FAM3B: variants seen among roughly 807,000 people sequenced by gnomAD.
FAM3B encodes protein FAM3B.
In FAM3B, 29 loss-of-function variants were observed where a neutral mutation model predicts 28.4. The observed-to-expected ratio is 1.02, with a 90% CI of 0.76 to 1.39. The LOEUF is 1.39. Ranked by LOEUF, FAM3B falls within the 40% of genes most tolerant of loss-of-function variation. FAM3B has a pLI of 0.00. For synonymous variants in FAM3B, 91 were observed against 103.0 expected, an observed-to-expected ratio of 0.88 and a Z score of 0.71; for missense variants, 266 against 293.9, an observed-to-expected ratio of 0.91 and a Z score of 0.69.
intron 2 of FAM3B, among the ~76,000 whole-genome samples, chr21:41,331,254 G>A (rs535705651): frequency 6.6e-6 from 1 of 152,208 alleles, no homozygotes; most frequent in African/African-American, 2.4e-5. Context: ...CTTTATTCAA[G>A]TTCTTTATCC....
At chr21:41,341,520 A>G (rs186680638) in intron 3 of FAM3B, among the ~76,000 whole-genome samples, 116 of 152,282 alleles carry the variant, frequency 7.6e-4, no homozygotes, top group Non-Finnish European at 6.3e-4. Flanking sequence ...TGGTAGTTTT[A>G]CTGCCTAAGC....
intron 2 of FAM3B, among the ~76,000 whole-genome samples, chr21:41,327,508 G>A (rs1049584879): frequency 1.3e-5 from 2 of 152,174 alleles, no homozygotes; most frequent in Admixed American, 1.3e-4. Context: ...TATTCACCTT[G>A]CATTCCCATT....
At chr21:41,333,293 T>G (rs2088923782) in intron 2 of FAM3B, among the ~76,000 whole-genome samples, 1 of 152,328 alleles carries the variant, frequency 6.6e-6, no homozygotes, top group South Asian at 2.1e-4. Context: ...CCAAATCTCA[T>G]GTTGAATTGT....
intron 1 of FAM3B, among the ~76,000 whole-genome samples, chr21:41,317,610 A>G (rs1440815662): frequency 6.6e-6 from 1 of 151,926 alleles, no homozygotes; most frequent in Non-Finnish European, 1.5e-5. Flanking sequence ...CTATAATCTG[A>G]AGAACATGGA....
intron 7 of FAM3B, among the ~76,000 whole-genome samples, chr21:41,355,372 A>G (rs1453993234): frequency 1.3e-5 from 2 of 152,232 alleles, no homozygotes; most frequent in Admixed American, 6.5e-5. Context: ...CTTGTGCACA[A>G]ATGTGCATAG....
intron 2 of FAM3B, among the ~76,000 whole-genome samples, chr21:41,333,842 G>A (rs892758721): frequency 5.3e-5 from 8 of 152,212 alleles, no homozygotes; most frequent in African/African-American, 1.4e-4. Flanking sequence ...TTGAATGTTT[G>A]TGACCAAAAT....
chr21:41,311,248 AAAAATATATATATATATATAT>A (rs1401377737), intron 1 of FAM3B, among the ~76,000 whole-genome samples: 15 of 64,276 alleles, frequency 2.3e-4, no homozygotes, highest in African/African-American at 8.4e-4. Context: ...AAAAAAAAAA[AAAAATATATATATATATATAT>A]ATATATATAT....
upstream of FAM3B, among the ~76,000 whole-genome samples, chr21:41,315,521 G>A (rs1393754746): frequency 1.3e-5 from 2 of 152,112 alleles, no homozygotes; most frequent in African/African-American, 4.8e-5. Flanking sequence ...TAAGATTGGC[G>A]GTCAGTTCAT....
Position 41,338,252 on chromosome 21 carries a change from C to G in FAM3B, c.164-126C>G. The G allele has an allele frequency of 3.8e-6, 4 of 1,065,054 alleles. No individual in the cohort carries two copies. The Admixed American group carries it at 6.3e-5, about 17-fold the overall frequency. The allele number at this position is 1,065,054 out of a possible 1,614,324, so 66.0% of individuals were successfully genotyped here. A position where few individuals can be genotyped will look rare whatever the true frequency, so the allele number is the denominator to read the frequency against. Reference sequence around the variant, plus strand: ...TCAGTGAAGTCTGGAAACCCTTCCCCCTCAGGTTTTCCGACCGCTGCTTGG... The same window carrying G: ...TCAGTGAAGTCTGGAAACCCTTCCCGCTCAGGTTTTCCGACCGCTGCTTGG... On this transcript the variant is annotated intron_variant, in intron 2 of 7. Coordinates refer to ENST00000357985, the MANE Select transcript of FAM3B (RefSeq NM_058186.4).
At chr21:41,312,085 AG>A (rs1378098053), upstream of FAM3B, among the ~76,000 whole-genome samples, 1 of 152,216 alleles carries the variant, frequency 6.6e-6, no homozygotes, top group Non-Finnish European at 1.5e-5. Flanking sequence ...ATCTTTCACT[AG>A]ACCCCTCCCA....
At chr21:41,320,512 A>G (rs2088792471) in intron 1 of FAM3B, 1 of 152,326 alleles carries the variant, frequency 6.6e-6, no homozygotes, top group Non-Finnish European at 1.5e-5. Flanking sequence ...CCTCCTGGCT[A>G]CTATGTCCTG....
At chr21:41,312,603 C>T (rs927850121), upstream of FAM3B, among the ~76,000 whole-genome samples, 1 of 152,040 alleles carries the variant, frequency 6.6e-6, no homozygotes, top group African/African-American at 2.4e-5. Context: ...AATATCTTAA[C>T]ATTTAAAAAG....
At position 41,357,618 on chromosome 21, in the gene FAM3B, T is replaced by C. The variant is rs940607678; in HGVS notation, c.*421T>C. Among the ~76,000 whole-genome samples the C allele has an allele frequency of 2.6e-5, 4 of 152,166 alleles. No homozygotes were observed. The highest frequency in any genetic ancestry group is 5.9e-5 in the Non-Finnish European group (4 of 68,022). Reference sequence around the variant, plus strand: ...CAGTCATCTCCTTCTGCTGGGAGAATTAGCAGCAGTTCAGGGGGCTTATGT... The same window carrying C: ...CAGTCATCTCCTTCTGCTGGGAGAACTAGCAGCAGTTCAGGGGGCTTATGT... On this transcript the variant is annotated 3_prime_UTR_variant, in exon 8 of 8. Transcript: ENST00000357985.
intron 7 of FAM3B, among the ~76,000 whole-genome samples, chr21:41,355,276 A>G (rs1004335194): frequency 6.6e-6 from 1 of 152,248 alleles, no homozygotes; most frequent in South Asian, 2.1e-4. Flanking sequence ...TTCCTCAAAA[A>G]GTTAAACATA....
At chr21:41,316,597 C>A (rs952806207), upstream of FAM3B, 12 of 350,798 alleles carry the variant, frequency 3.4e-5, no homozygotes, top group Non-Finnish European at 5.1e-5. Context: ...TCAGCCCTGG[C>A]CCGGGGTCAG....
intron 6 of FAM3B, among the ~76,000 whole-genome samples, chr21:41,347,749 C>CA (rs60227162): frequency 0.012 from 1,053 of 85,148 alleles, 12 homozygotes; most frequent in East Asian, 0.042. Context: ...GAGACTGTCT[C>CA]AAAAAAAAAA....
chr21:41,332,064 T>G (rs1212019830), intron 2 of FAM3B, among the ~76,000 whole-genome samples: 1 of 152,182 alleles, frequency 6.6e-6, no homozygotes, highest in African/African-American at 2.4e-5. Flanking sequence ...ATGATGAGGG[T>G]GCATGCCTCA....
intron 1 of FAM3B, among the ~76,000 whole-genome samples, chr21:41,317,690 C>G (rs1002968058): frequency 4.3e-4 from 66 of 152,236 alleles, no homozygotes; most frequent in African/African-American, 1.6e-3. Context: ...CTCTGGGCCT[C>G]TTCGGTAGAT....
chr21:41,356,996 G>A (rs989397948), intron 7 of FAM3B, 112 bp from the exon 8 acceptor site: 91 of 549,600 alleles, frequency 1.7e-4, no homozygotes, highest in South Asian at 2.3e-4. Flanking sequence ...CCCAGCTTTG[G>A]TTGGAGCAAA....
Sources: allele counts gnomAD v4.1 joint callset (sites outside exome capture counted in the v4.1 genomes callset), GRCh38; gene constraint gnomAD v4.1.1; transcripts MANE v1.5; gene names NCBI Gene and HGNC (gene_info 2026-07-23, HGNC 2026-07-21).